Variants in RRP15 observed in about 807,000 individuals in gnomAD.
RRP15 encodes RRP15-like protein.
A neutral mutation model predicts 27.1 loss-of-function variants in RRP15; 18 were observed. The observed-to-expected ratio is 0.66, with a 90% confidence interval of 0.46 to 0.98. The LOEUF (loss-of-function observed/expected upper bound fraction) is 0.98. RRP15 is among the 50% of genes least tolerant of loss of function. The pLI is 0.00. For missense variants in RRP15, 359 were observed against 337.8 expected (o/e 1.06, Z -0.49); for synonymous variants, 107 against 109.4 (o/e 0.98, Z 0.14).
At chr1:218,321,681 A>G (rs1656189599) in intron 4 of RRP15, among the ~76,000 whole-genome samples, 1 of 152,176 alleles carries the variant, frequency 6.6e-6, no homozygotes, top group South Asian at 2.1e-4. Flanking sequence ...CTTTTATAAA[A>G]AGAATATACC....
intron 1 of RRP15, among the ~76,000 whole-genome samples, chr1:218,286,708 G>A (rs758238696): frequency 4.6e-5 from 7 of 152,162 alleles, no homozygotes; most frequent in South Asian, 2.1e-4. Flanking sequence ...GTAAATGAAT[G>A]AATTAACCTG....
At chr1:218,305,638 A>G (rs1655887622) in intron 3 of RRP15, among the ~76,000 whole-genome samples, 1 of 152,244 alleles carries the variant, frequency 6.6e-6, no homozygotes, top group African/African-American at 2.4e-5. Context: ...CTTTGAGAGT[A>G]GAATTATGTC....
At position 218,332,402 on chromosome 1, in the gene RRP15, C is replaced by G. The variant is rs1339363364; in HGVS notation, c.*1311C>G. On this transcript the variant is annotated 3_prime_UTR_variant, in exon 5 of 5. Coordinates refer to ENST00000366932, the MANE Select transcript of RRP15 (RefSeq NM_016052.4). The stretch of plus-strand genomic sequence containing the variant: ...ATTTTTGTGAAATGTGGCCCAAGAT[C>G]TAAAGTTTTTAAGGGAATTATTTTT... The G allele has an allele frequency of 6.6e-6, 1 of 152,108 alleles. No homozygotes were observed. The highest frequency in any genetic ancestry group is 1.9e-4 in the East Asian group (1 of 5,198). The allele number at this position is 152,108 out of a possible 1,614,324, so 9.4% of individuals were successfully genotyped here.
rs1203202793 is a variant in RRP15 at position 218,332,065 on chromosome 1, A to G, written c.*974A>G. ...ATTTTAGGTGTTAGCCTATTTTTGC[A>G]TGAGAGATTTACAGAGGTGGAAATT... On this transcript the variant is annotated 3_prime_UTR_variant, in exon 5 of 5. Coordinates refer to ENST00000366932, the MANE Select transcript of RRP15 (RefSeq NM_016052.4). 2.6e-5 allele frequency: 4 copies of G among 152,250 alleles called. No individual in the cohort carries two copies. The East Asian group carries it at 7.7e-4, about 29-fold the overall frequency. 9.4% of individuals were successfully genotyped at this position (152,250 alleles called of 1,614,324 possible). A position where few individuals can be genotyped will look rare whatever the true frequency, so the allele number is the denominator to read the frequency against.
At chr1:218,291,061 C>G (rs1334846762) in intron 1 of RRP15, among the ~76,000 whole-genome samples, 1 of 151,970 alleles carries the variant, frequency 6.6e-6, no homozygotes, top group Non-Finnish European at 1.5e-5. Context: ...GTTGCTTGAG[C>G]CTGGGAGTTC....
chr1:218,303,336 C>T (rs1655843574), intron 2 of RRP15, among the ~76,000 whole-genome samples: 1 of 152,112 alleles, frequency 6.6e-6, no homozygotes, highest in African/African-American at 2.4e-5. Context: ...TAGGTTTGAA[C>T]TGACATATAT....
chr1:218,290,654 A>AGG (rs1655624531), intron 1 of RRP15, among the ~76,000 whole-genome samples: 1 of 152,126 alleles, frequency 6.6e-6, no homozygotes. Flanking sequence ...TTTTTGGAAG[A>AGG]GATGAGGTTT....
At chr1:218,309,682 C>CAA (rs751452477) in intron 4 of RRP15, among the ~76,000 whole-genome samples, 338 of 22,462 alleles carry the variant, frequency 0.015, 42 homozygotes, top group African/African-American at 0.031. Context: ...GACTCCATCT[C>CAA]AAAAAAAAAA....
Position 218,332,124 on chromosome 1 carries a change from CAGGA to C in RRP15, c.*1036_*1039del, listed in dbSNP as rs1159691604. The stretch of plus-strand genomic sequence containing the variant: ...TAACTTATGCAATGAGACAATTTCT[CAGGA>C]AGCAAGTTTGACATGCTTTAGTCTC... On this transcript the variant is annotated 3_prime_UTR_variant, in exon 5 of 5. Coordinates refer to ENST00000366932, the MANE Select transcript of RRP15 (RefSeq NM_016052.4). 4 of 152,138 alleles carry C rather than the reference CAGGA, an allele frequency of 2.6e-5. No homozygotes were observed. Among genetic ancestry groups the C allele is most frequent in the African/African-American group, 9.7e-5 (4 of 41,436 alleles). The allele number at this position is 152,138 out of a possible 1,614,324, so 9.4% of individuals were successfully genotyped here.
intron 1 of RRP15, among the ~76,000 whole-genome samples, chr1:218,292,945 T>C (rs937696842): frequency 6.6e-6 from 1 of 152,216 alleles, no homozygotes; most frequent in Non-Finnish European, 1.5e-5. Flanking sequence ...ACTTTGTCTT[T>C]TACAAATTTT....
intron 1 of RRP15, among the ~76,000 whole-genome samples, chr1:218,287,061 C>A (rs973820268): frequency 1.3e-5 from 2 of 151,924 alleles, no homozygotes; most frequent in Non-Finnish European, 2.9e-5. Flanking sequence ...CACCGCCCCC[C>A]AAAGCGATCC....
intron 4 of RRP15, among the ~76,000 whole-genome samples, chr1:218,324,910 G>A (rs149935094): frequency 3.3e-5 from 5 of 152,160 alleles, no homozygotes; most frequent in South Asian, 4.2e-4. Flanking sequence ...CTGAAGTGAT[G>A]TATCTATTTT....
At chr1:218,286,543 T>C (rs1479554651) in intron 1 of RRP15, among the ~76,000 whole-genome samples, 1 of 152,198 alleles carries the variant, frequency 6.6e-6, no homozygotes. Context: ...TCTTCACTTT[T>C]TGACTTATTG....
rs745413275 is a variant in RRP15 at position 218,285,501 on chromosome 1, G to A, written c.139+46G>A. 6 of 1,609,712 alleles carry A rather than the reference G, an allele frequency of 3.7e-6. No individual in the cohort carries two copies. In the Admixed American group the frequency reaches 8.5e-5, roughly 23 times the overall value. On this transcript the variant is annotated intron_variant, in intron 1 of 4. Transcript: ENST00000366932. ...TTTGGTGTCTGGGAGGAAAGGCGGG[G>A]CTGAGTTCGTGTCAAGCAGCGCTTG...
intron 1 of RRP15, among the ~76,000 whole-genome samples, chr1:218,288,839 C>G (rs1655590387): frequency 1.3e-5 from 2 of 152,148 alleles, no homozygotes. Flanking sequence ...TATAGCACTT[C>G]CAATGTTTAT....
At chr1:218,302,597 G>C (rs754948891) in intron 2 of RRP15, 38 bp downstream of exon 2, 20 of 1,592,928 alleles carry the variant, frequency 1.3e-5, no homozygotes, top group Non-Finnish European at 1.5e-5. Flanking sequence ...TAGATTGTTT[G>C]TCTAGGCTAG....
At chr1:218,290,008 A>T (rs1379856155) in intron 1 of RRP15, among the ~76,000 whole-genome samples, 1 of 152,154 alleles carries the variant, frequency 6.6e-6, no homozygotes, top group Non-Finnish European at 1.5e-5. Context: ...TGTTTACATT[A>T]GTTCATAGGG....
At chr1:218,288,810 A>G (rs996191650) in intron 1 of RRP15, among the ~76,000 whole-genome samples, 1 of 152,196 alleles carries the variant, frequency 6.6e-6, no homozygotes, top group Admixed American at 6.5e-5. Flanking sequence ...ACCAAGGGAC[A>G]TTTTTGTGTT....
rs140827505 is a variant in RRP15 at position 218,336,845 on chromosome 1, G to C, written c.*5754G>C. ...AATGCCAGGAACACCAGGGTAGATT[G>C]CATGAGACATGACTGCCGTATCTTG... On this transcript the variant is annotated 3_prime_UTR_variant, in exon 5 of 5. Coordinates refer to ENST00000366932, the MANE Select transcript of RRP15 (RefSeq NM_016052.4). 2 of 152,264 alleles carry C rather than the reference G, an allele frequency of 1.3e-5. No individual in the cohort carries two copies. The highest frequency in any genetic ancestry group is 4.8e-5 in the African/African-American group (2 of 41,548). 9.4% of individuals were successfully genotyped at this position (152,264 alleles called of 1,614,324 possible).
Sources: allele counts gnomAD v4.1 joint callset (sites outside exome capture counted in the v4.1 genomes callset), GRCh38; gene constraint gnomAD v4.1.1; transcripts MANE v1.5; gene names NCBI Gene and HGNC (gene_info 2026-07-23, HGNC 2026-07-21).